Variants in KLRG1 observed in about 807,000 individuals in gnomAD.
KLRG1 encodes the protein killer cell lectin-like receptor subfamily G member 1.
In KLRG1, 16 loss-of-function variants were observed where a neutral mutation model predicts 21.8. The observed-to-expected ratio is 0.73, with a 90% confidence interval of 0.50 to 1.11. The LOEUF (loss-of-function observed/expected upper bound fraction) is 1.11, where lower values mean the gene tolerates loss of function less well. Among genes scored for constraint, KLRG1 ranks in the 50% most tolerant of loss-of-function variants. KLRG1 has a pLI of 0.00. For synonymous variants in KLRG1, 69 were observed against 75.9 expected, an observed-to-expected ratio of 0.91 and a Z score of 0.47; for missense variants, 173 against 218.3, an observed-to-expected ratio of 0.79 and a Z score of 1.31.
chr12:9,182,132 G>GAGTGAGACAACATGGTCATA, the KLRG1 span: 7 of 1,554,324 alleles, frequency 4.5e-6, no homozygotes, highest in Non-Finnish European at 6.1e-6. Context: ...AACATGGAGA[G>GAGTGAGACAACATGGTCATA]AGTGAGACAA....
intron 1 of KLRG1, among the ~76,000 whole-genome samples, chr12:8,957,376 T>A (rs1946312401): frequency 6.6e-6 from 1 of 152,242 alleles, no homozygotes; most frequent in Non-Finnish European, 1.5e-5. Flanking sequence ...CCGTGGCCCA[T>A]GGCAGTAACT....
the KLRG1 span, among the ~76,000 whole-genome samples, chr12:9,096,132 T>C: frequency 1.7e-4 from 26 of 152,300 alleles, no homozygotes; most frequent in African/African-American, 5.8e-4. Flanking sequence ...AGCGCTCTCA[T>C]TGCTTTGATG....
the KLRG1 span, among the ~76,000 whole-genome samples, chr12:9,139,446 T>G: frequency 6.6e-6 from 1 of 152,186 alleles, no homozygotes; most frequent in Non-Finnish European, 1.5e-5. Flanking sequence ...GTCCATTTGG[T>G]CTATTGTGTT....
the KLRG1 span, among the ~76,000 whole-genome samples, chr12:9,171,155 G>A: frequency 6.6e-6 from 1 of 152,198 alleles, no homozygotes; most frequent in Non-Finnish European, 1.5e-5. Context: ...GGCACAGGCT[G>A]CCATCTTTGC....
intron 1 of KLRG1, among the ~76,000 whole-genome samples, chr12:8,957,684 T>C (rs1946318137): frequency 6.6e-6 from 1 of 152,214 alleles, no homozygotes; most frequent in Non-Finnish European, 1.5e-5. Flanking sequence ...AAGAGTTACT[T>C]GCACTGCAGT....
At chr12:8,998,841 A>C (rs1379322431) in intron 3 of KLRG1, among the ~76,000 whole-genome samples, 3 of 152,156 alleles carry the variant, frequency 2.0e-5, no homozygotes, top group Non-Finnish European at 4.4e-5. Context: ...CATATTTAAA[A>C]ATTTTTTTGA....
chr12:9,074,719 G>A, the KLRG1 span: 4 of 1,613,978 alleles, frequency 2.5e-6, no homozygotes, highest in Non-Finnish European at 3.4e-6. Context: ...AGGGAGCCTG[G>A]GGTTCGTAAA....
At chr12:9,188,721 C>T in the KLRG1 span, among the ~76,000 whole-genome samples, 2 of 152,148 alleles carry the variant, frequency 1.3e-5, no homozygotes, top group African/African-American at 4.8e-5. Flanking sequence ...CATTCCTATA[C>T]ACCAACAACA....
At chr12:9,011,444 G>A (rs943400151), downstream of KLRG1, among the ~76,000 whole-genome samples, 1 of 151,422 alleles carries the variant, frequency 6.6e-6, no homozygotes, top group African/African-American at 2.4e-5. Context: ...CTTCTTTGAT[G>A]AACATTATAC....
the KLRG1 span, among the ~76,000 whole-genome samples, chr12:9,060,302 G>A: frequency 1.1e-4 from 16 of 152,070 alleles, no homozygotes; most frequent in South Asian, 4.1e-4. Context: ...GATTACAGGC[G>A]TGAGCCATCG....
chr12:9,033,247 G>C, the KLRG1 span, among the ~76,000 whole-genome samples: 12,540 of 152,048 alleles, frequency 0.082, 822 homozygotes, highest in African/African-American at 0.18. Context: ...GACTGGCCTG[G>C]GGAACGTAGA....
At chr12:9,128,137 G>A in the KLRG1 span, 1 of 189,094 alleles carries the variant, frequency 5.3e-6, no homozygotes, top group South Asian at 9.7e-5. Flanking sequence ...TGGATCACCT[G>A]GAGAAGAACC....
downstream of KLRG1, among the ~76,000 whole-genome samples, chr12:9,014,262 G>C (rs1019506645): frequency 1.3e-5 from 2 of 151,974 alleles, no homozygotes; most frequent in African/African-American, 4.8e-5. Context: ...AGCACAAGAA[G>C]GTTATAGAAC....
chr12:9,196,643 T>A, the KLRG1 span: 1 of 1,613,862 alleles, frequency 6.2e-7, no homozygotes, highest in Admixed American at 1.7e-5. Context: ...ATCTGGAGCA[T>A]TTTGGTGTGT....
At chr12:9,003,629 GCA>G (rs1947371036) in intron 3 of KLRG1, among the ~76,000 whole-genome samples, 1 of 151,534 alleles carries the variant, frequency 6.6e-6, no homozygotes, top group African/African-American at 2.4e-5. Flanking sequence ...CCCCCAGCAT[GCA>G]CAGTTAAGTG....
chr12:8,976,837 T>A (rs997178228), intron 1 of KLRG1, among the ~76,000 whole-genome samples: 3 of 151,578 alleles, frequency 2.0e-5, no homozygotes, highest in African/African-American at 7.3e-5. Flanking sequence ...ACCTCCACCT[T>A]ATGGGTTCAA....
At chr12:9,201,113 G>A in the KLRG1 span, 4 of 1,590,508 alleles carry the variant, frequency 2.5e-6, no homozygotes, top group Non-Finnish European at 3.4e-6. Context: ...AATAGTCCTT[G>A]AGCAACTCAA....
At chr12:9,164,219 G>A in the KLRG1 span, 1 of 1,612,126 alleles carries the variant, frequency 6.2e-7, no homozygotes, top group African/African-American at 1.3e-5. Flanking sequence ...TGTATTTTGG[G>A]AAGCTAGGAA....
At chr12:9,152,622 T>C in the KLRG1 span, among the ~76,000 whole-genome samples, 3 of 152,254 alleles carry the variant, frequency 2.0e-5, no homozygotes, top group South Asian at 6.2e-4. Flanking sequence ...ATACAGTTCA[T>C]TTGTTATTTA....
Sources: gnomAD v4.1 joint callset for allele counts (sites outside exome capture counted in the v4.1 genomes callset) on GRCh38, gnomAD v4.1.1 for gene constraint, MANE v1.5 for transcripts, NCBI Gene and HGNC (gene_info 2026-07-23, HGNC 2026-07-21) for gene names.